RBM4: variants seen among roughly 807,000 people sequenced by gnomAD.
RBM4 encodes RNA binding motif protein 4, also known as RNA-binding protein 4.
RBM4 carries 7 observed loss-of-function variants against 29.5 expected under a neutral mutation model. The observed-to-expected ratio is 0.24, with a 90% CI of 0.14 to 0.45. The LOEUF (loss-of-function observed/expected upper bound fraction) is 0.45, where lower values mean the gene tolerates loss of function less well. Among genes scored for constraint, RBM4 ranks in the 20% least tolerant of loss-of-function variants. The probability of loss-of-function intolerance (pLI) is 1.00; values close to 1 mark genes in which losing one functional copy is unlikely to be tolerated. For synonymous variants in RBM4, 220 were observed against 205.4 expected (o/e 1.07, Z -0.61); for missense variants, 387 against 502.3 (o/e 0.77, Z 2.19).
At chr11:66,651,640 G>C (rs888534675) in intron 2 of RBM4, among the ~76,000 whole-genome samples, 1 of 152,140 alleles carries the variant, frequency 6.6e-6, no homozygotes, top group Non-Finnish European at 1.5e-5. Flanking sequence ...GAGCCACCAT[G>C]CCCCGCCAAC....
chr11:66,666,112 A>C, exon 3 of RBM4: 1 of 810,644 alleles, frequency 1.2e-6, no homozygotes, highest in Non-Finnish European at 1.9e-6. Context: ...CCTACATGTC[A>C]CACTGTCACA....
downstream of RBM4, among the ~76,000 whole-genome samples, chr11:66,650,145 G>C (rs758592183): frequency 7.2e-5 from 11 of 152,304 alleles, no homozygotes; most frequent in Non-Finnish European, 1.5e-4. Flanking sequence ...TTCGGGGTGG[G>C]AATGGTCATA....
rs113004925 is a variant in RBM4 at position 66,664,336 on chromosome 11, G to A, written c.413-1520G>A. Reference sequence around the variant, plus strand: ...GGCTAATTTTTGTATTTTTAGTAGGGACAGGGTTTCGCCATGTTGGCCAGG... The same window carrying A: ...GGCTAATTTTTGTATTTTTAGTAGGAACAGGGTTTCGCCATGTTGGCCAGG... On this transcript the variant is annotated intron_variant, in intron 2 of 2. Coordinates refer to the RBM4 transcript ENST00000396053. Among the ~76,000 whole-genome samples, 9 of 151,822 alleles carry A rather than the reference G, an allele frequency of 5.9e-5. 1 individual carries two copies. The highest frequency in any genetic ancestry group is 2.2e-4 in the African/African-American group (9 of 41,380).
rs954406038 is a variant in RBM4, at chr11:66,646,167, T to C, written c.*149T>C. 9.9e-6 allele frequency: 15 copies of C among 1,512,792 alleles called. No homozygotes were observed. The highest frequency in any genetic ancestry group is 1.3e-5 in the Non-Finnish European group (15 of 1,133,418). 93.7% of individuals were successfully genotyped at this position (1,512,792 alleles called of 1,614,324 possible). The stretch of plus-strand genomic sequence containing the variant: ...TGGACCTTAATTTACCTTGCTAAGT[T>C]CAGACCTTCTCTTCCTTTCCTTTCC... On this transcript the variant is annotated 3_prime_UTR_variant, in exon 4 of 4. Coordinates refer to ENST00000310092, the MANE Select transcript of RBM4 (RefSeq NM_002896.4).
At chr11:66,663,698 G>GTA (rs1272941333) in intron 2 of RBM4, among the ~76,000 whole-genome samples, 3 of 119,950 alleles carry the variant, frequency 2.5e-5, no homozygotes, top group South Asian at 3.5e-4. Flanking sequence ...AAATGTGTGT[G>GTA]TATATGTGTG....
downstream of RBM4, among the ~76,000 whole-genome samples, chr11:66,648,162 C>T (rs577649895): frequency 1.3e-5 from 2 of 151,918 alleles, no homozygotes; most frequent in Admixed American, 6.6e-5. Flanking sequence ...GCCAAGATTG[C>T]GCCACTGCAC....
chr11:66,642,025 G>T (rs1565080608), intron 2 of RBM4, among the ~76,000 whole-genome samples: 1 of 152,142 alleles, frequency 6.6e-6, no homozygotes, highest in Non-Finnish European at 1.5e-5. Context: ...TGCCAAAGTG[G>T]CCCCCTGGGC....
At position 66,643,416 on chromosome 11, in the gene RBM4, T is replaced by C; in HGVS notation, c.413-34T>C. The stretch of plus-strand genomic sequence containing the variant: ...TAGGGGCTGGGGCTATGACTAAGAG[T>C]GATAGCAACCCTTCTTGCGTCTGTT... On this transcript the variant is annotated intron_variant, in intron 2 of 3. Coordinates refer to ENST00000310092, the MANE Select transcript of RBM4 (RefSeq NM_002896.4). This position sits in a 1 kb window ranked among gnomAD's most constrained non-coding sequence, Gnocchi z 6.1. 1.9e-6 allele frequency: 3 copies of C among 1,571,046 alleles called. No homozygotes were observed. Among genetic ancestry groups the C allele is most frequent in the East Asian group, 2.2e-5 (1 of 44,460 alleles).
At position 66,646,077 on chromosome 11, in the gene RBM4, C is replaced by T; in HGVS notation, c.*59C>T. The T allele has an allele frequency of 1.3e-6, 2 of 1,535,944 alleles. No homozygotes were observed. The highest frequency in any genetic ancestry group is 1.7e-6 in the Non-Finnish European group (2 of 1,146,896). The stretch of plus-strand genomic sequence containing the variant: ...CGAGCTGCGGTTGTGCATGAGAATA[C>T]ACCCTTCGTGGTACCCCATCTCCGG... On this transcript the variant is annotated 3_prime_UTR_variant, in exon 4 of 4. Coordinates refer to ENST00000310092, the MANE Select transcript of RBM4 (RefSeq NM_002896.4).
At chr11:66,662,116 G>T (rs1939094346) in intron 2 of RBM4, among the ~76,000 whole-genome samples, 1 of 152,138 alleles carries the variant, frequency 6.6e-6, no homozygotes, top group Non-Finnish European at 1.5e-5. Context: ...ATTCTGCAGG[G>T]CTTTTTCTCC....
downstream of RBM4, chr11:66,649,629 G>A (rs1277377981): frequency 1.6e-6 from 1 of 627,272 alleles, no homozygotes. Context: ...TTCCAATCAA[G>A]TGTATCTTTG....
rs746731288 is a variant in RBM4, at chr11:66,643,901, T to A, written c.864T>A (p.Ala288=). Residue 288 remains alanine (A), a synonymous_variant, in exon 3 of 4, where the codon GCT becomes GCA. Transcript: ENST00000310092. The surrounding 1 kb of genome is among the most constrained non-coding windows in gnomAD (Gnocchi z 6.1). Reference sequence around the variant, plus strand: ...CAGGAGCTGCTGCCACAGCTGCTGCTGCAGCAGCAGCCGCTGCTGCTGTTA... The same window carrying A: ...CAGGAGCTGCTGCCACAGCTGCTGCAGCAGCAGCAGCCGCTGCTGCTGTTA... The part of the protein sequence containing the change: ...PTSGAAATAA[A]AAAAAAAVTA... 2 of 1,611,164 alleles carry A rather than the reference T, an allele frequency of 1.2e-6. No homozygotes were observed. The highest frequency in any genetic ancestry group is 1.1e-5 in the South Asian group (1 of 90,988).
At chr11:66,661,339 T>G (rs1939080002) in intron 2 of RBM4, among the ~76,000 whole-genome samples, 1 of 152,192 alleles carries the variant, frequency 6.6e-6, no homozygotes, top group South Asian at 2.1e-4. Context: ...GGACCAGGTT[T>G]GTAAGCAAAA....
chr11:66,666,581 C>T (rs970375162), exon 3 of RBM4: 1 of 243,146 alleles, frequency 4.1e-6, no homozygotes, highest in Non-Finnish European at 6.6e-6. Flanking sequence ...TTTAAAATGT[C>T]CTAGCAATAC....
chr11:66,666,038 G>A, exon 3 of RBM4: 2 of 1,302,090 alleles, frequency 1.5e-6, no homozygotes, highest in Non-Finnish European at 2.1e-6. Context: ...CAAGCTTTCA[G>A]AAATGATGGT....
chr11:66,646,866 T>C (rs371582243), downstream of RBM4, among the ~76,000 whole-genome samples: 68 of 152,320 alleles, frequency 4.5e-4, no homozygotes, highest in South Asian at 0.013. Context: ...TTTTCGCTCT[T>C]CGTGCCATGT....
At chr11:66,649,851 G>T, downstream of RBM4, 1 of 648,538 alleles carries the variant, frequency 1.5e-6, no homozygotes, top group South Asian at 1.7e-5. Flanking sequence ...TTTTTGCAGG[G>T]ACTATATGTG....
chr11:66,665,998 ATG>A (rs1457519488), exon 3 of RBM4: 1 of 1,468,064 alleles, frequency 6.8e-7, no homozygotes, highest in Non-Finnish European at 9.2e-7. Flanking sequence ...ACTATTCTAA[ATG>A]TGTTTTGTTT....
chr11:66,660,100 A>G (rs1939045037), intron 2 of RBM4, among the ~76,000 whole-genome samples: 1 of 142,544 alleles, frequency 7.0e-6, no homozygotes. Context: ...AGATCCTTGT[A>G]TACACTGAGC....
Sources: gnomAD v4.1 joint callset for allele counts (sites outside exome capture counted in the v4.1 genomes callset) on GRCh38, gnomAD v4.1.1 for gene constraint, Gnocchi (gnomAD v3.1) non-coding constraint, MANE v1.5 for transcripts, NCBI Gene and HGNC (gene_info 2026-07-23, HGNC 2026-07-21) for gene names.